Variants in CTNNA2 observed in about 807,000 individuals in gnomAD.
CTNNA2 encodes catenin alpha-2.
Under a neutral mutation model 101.0 loss-of-function variants are expected in CTNNA2, and 42 were observed. The ratio of observed to expected loss-of-function variants is 0.42; its 90% CI spans 0.32 to 0.54. The LOEUF is 0.54. Ranked by LOEUF, CTNNA2 falls within the 20% of genes least tolerant of loss-of-function variation. The probability of loss-of-function intolerance (pLI) is 0.14; values close to 1 mark genes in which losing one functional copy is unlikely to be tolerated. For synonymous variants in CTNNA2, 450 were observed against 456.4 expected (o/e 0.99, Z 0.18); for missense variants, 871 against 1,223.1 (o/e 0.71, Z 4.29).
intron 2 of CTNNA2, among the ~76,000 whole-genome samples, chr2:79,203,981 T>C (rs1342230695): frequency 6.6e-6 from 1 of 152,222 alleles, no homozygotes; most frequent in Non-Finnish European, 1.5e-5. Context: ...TCATCCTCTG[T>C]GACTCATCTC....
intron 2 of CTNNA2, among the ~76,000 whole-genome samples, chr2:79,659,783 G>A (rs1274362973): frequency 6.6e-6 from 1 of 152,182 alleles, no homozygotes; most frequent in Non-Finnish European, 1.5e-5. Context: ...CATCACTTGA[G>A]GCCAGGAGTT....
At chr2:79,983,496 C>T (rs1156564743) in intron 7 of CTNNA2, among the ~76,000 whole-genome samples, 1 of 152,030 alleles carries the variant, frequency 6.6e-6, no homozygotes, top group East Asian at 1.9e-4. Flanking sequence ...TCTAAGAGAA[C>T]TTGGTAATTA....
intron 4 of CTNNA2, among the ~76,000 whole-genome samples, chr2:79,491,394 G>A (rs1236898438): frequency 6.6e-6 from 1 of 152,122 alleles, no homozygotes; most frequent in Non-Finnish European, 1.5e-5. Context: ...TACCATCTTT[G>A]TTGAGAACAC....
Position 80,158,647 on chromosome 2 carries a change from C to T in CTNNA2, c.1057-234564C>T, listed in dbSNP as rs113565926. ...CATACAGGCCGGGCATGGTGGCTTA[C>T]GCCTGTAATCCCAATACTTTGGGAG... On this transcript the variant is annotated intron_variant, in intron 7 of 18. Transcript: ENST00000402739. Among the ~76,000 whole-genome samples, 447 of 152,264 alleles carry T rather than the reference C, an allele frequency of 2.9e-3. 2 individuals carry two copies. The highest frequency in any genetic ancestry group is 0.01 in the African/African-American group (428 of 41,562).
chr2:80,522,343 T>C (rs1374349800), intron 9 of CTNNA2, among the ~76,000 whole-genome samples: 1 of 152,156 alleles, frequency 6.6e-6, no homozygotes, highest in Non-Finnish European at 1.5e-5. Flanking sequence ...GCAATAAAGT[T>C]GGAGATCCAA....
At chr2:79,543,808 A>T (rs1427121422) in intron 1 of CTNNA2, among the ~76,000 whole-genome samples, 1 of 152,228 alleles carries the variant, frequency 6.6e-6, no homozygotes, top group Non-Finnish European at 1.5e-5. Context: ...TTTCATTAAC[A>T]CCAATTTGAA....
chr2:79,452,263 T>G (rs1021194746), intron 4 of CTNNA2, among the ~76,000 whole-genome samples: 8 of 152,006 alleles, frequency 5.3e-5, no homozygotes, highest in South Asian at 2.1e-4. Context: ...GTGCCTAACG[T>G]GTATCCAGCC....
intron 7 of CTNNA2, among the ~76,000 whole-genome samples, chr2:80,077,187 C>G (rs572551321): frequency 1.2e-4 from 19 of 152,290 alleles, no homozygotes; most frequent in Non-Finnish European, 2.8e-4. Flanking sequence ...ATACAACCTT[C>G]TTGGAAAACA....
intron 18 of CTNNA2, among the ~76,000 whole-genome samples, chr2:80,637,561 C>A (rs949824662): frequency 2.6e-5 from 4 of 152,096 alleles, no homozygotes; most frequent in Admixed American, 1.3e-4. Flanking sequence ...GGAGAGGCAG[C>A]AAACATTCAC....
intron 7 of CTNNA2, among the ~76,000 whole-genome samples, chr2:79,995,014 T>C (rs947674216): frequency 4.6e-5 from 7 of 152,274 alleles, no homozygotes; most frequent in South Asian, 2.1e-4. Context: ...GTAGTATCCA[T>C]TGGGCACCAC....
chr2:79,615,996 G>A (rs770608835), intron 1 of CTNNA2, among the ~76,000 whole-genome samples: 8 of 152,202 alleles, frequency 5.3e-5, no homozygotes, highest in Non-Finnish European at 8.8e-5. Flanking sequence ...CACTGTGACA[G>A]AGAGAAGAAC....
chr2:79,380,909 G>A (rs1678031619), intron 4 of CTNNA2, among the ~76,000 whole-genome samples: 1 of 152,146 alleles, frequency 6.6e-6, no homozygotes, highest in East Asian at 1.9e-4. Flanking sequence ...CTCCAAAGCT[G>A]CTTTGAATTC....
intron 4 of CTNNA2, among the ~76,000 whole-genome samples, chr2:79,376,488 AT>A (rs555576409): frequency 2.5e-3 from 374 of 150,066 alleles, no homozygotes; most frequent in African/African-American, 8.1e-3. Flanking sequence ...AATTTTTCTA[AT>A]TTTTTTTTAT....
chr2:79,412,439 T>C (rs1678425787), intron 4 of CTNNA2, among the ~76,000 whole-genome samples: 1 of 151,990 alleles, frequency 6.6e-6, no homozygotes, highest in South Asian at 2.1e-4. Context: ...CAACAGAGTA[T>C]ACATTTTTTT....
intron 2 of CTNNA2, among the ~76,000 whole-genome samples, chr2:79,715,216 A>AT (rs1686008734): frequency 6.6e-6 from 1 of 150,520 alleles, no homozygotes; most frequent in African/African-American, 2.4e-5. Flanking sequence ...AAAAAAAAAA[A>AT]AAAAAAAAAA....
At chr2:80,194,725 A>G (rs1360553981) in intron 7 of CTNNA2, among the ~76,000 whole-genome samples, 1 of 149,946 alleles carries the variant, frequency 6.7e-6, no homozygotes, top group African/African-American at 2.4e-5. Flanking sequence ...GTCACTATAC[A>G]TACTTATTAA....
intron 3 of CTNNA2, among the ~76,000 whole-genome samples, chr2:79,820,437 A>C (rs1168596093): frequency 6.6e-6 from 1 of 152,218 alleles, no homozygotes; most frequent in Non-Finnish European, 1.5e-5. Context: ...AAGTACTAAA[A>C]CAGATGGAAG....
intron 3 of CTNNA2, among the ~76,000 whole-genome samples, chr2:79,821,253 A>G (rs567886723): frequency 6.6e-6 from 1 of 152,204 alleles, no homozygotes; most frequent in African/African-American, 2.4e-5. Flanking sequence ...CTGTCACCCA[A>G]GCTGGAGTGT....
chr2:80,474,773 G>T lies in CTNNA2; in HGVS notation c.1290+55172G>T, dbSNP rs758391935. 4.7e-4 allele frequency among the ~76,000 whole-genome samples: 71 copies of T among 152,124 alleles called. 1 individual carries two copies. The highest frequency in any genetic ancestry group is 1.3e-4 in the Admixed American group (2 of 15,256). On this transcript the variant is annotated intron_variant, in intron 9 of 18. Transcript: ENST00000402739. ...GATAGCTACTTGGAAGTGTTGACAG[G>T]AAATTAAATTTGCAAACAGAAATAA...
Sources: gnomAD v4.1 joint callset for allele counts (sites outside exome capture counted in the v4.1 genomes callset) on GRCh38, gnomAD v4.1.1 for gene constraint, MANE v1.5 for transcripts, NCBI Gene and HGNC (gene_info 2026-07-23, HGNC 2026-07-21) for gene names.